The following GMDS variants were observed in gnomAD, a reference collection of about 807,000 sequenced individuals.
GMDS encodes the protein GDP-mannose 4,6-dehydratase, also known as GDP-mannose 4,6 dehydratase.
A neutral mutation model predicts 49.9 loss-of-function variants in GMDS; 20 were observed. The ratio of observed to expected loss-of-function variants is 0.40; its 90% CI spans 0.28 to 0.58. The LOEUF (loss-of-function observed/expected upper bound fraction) is 0.58. Among genes scored for constraint, GMDS ranks in the 20% least tolerant of loss-of-function variants. GMDS has a pLI of 0.42. For missense variants in GMDS, 362 were observed against 481.4 expected (o/e 0.75, Z 2.32); for synonymous variants, 177 against 178.6 (o/e 0.99, Z 0.07).
intron 1 of GMDS, among the ~76,000 whole-genome samples, chr6:2,161,713 G>A (rs555112060): frequency 7.2e-5 from 11 of 152,282 alleles, no homozygotes; most frequent in Admixed American, 5.2e-4. Flanking sequence ...TGGGGCTGGT[G>A]AAAAAGATAA....
At chr6:1,741,453 C>T (rs903093355) in intron 8 of GMDS, among the ~76,000 whole-genome samples, 1 of 152,072 alleles carries the variant, frequency 6.6e-6, no homozygotes, top group African/African-American at 2.4e-5. Context: ...CTGTGTCTGG[C>T]TTCTTTCACA....
intron 1 of GMDS, among the ~76,000 whole-genome samples, chr6:2,200,593 T>A (rs1779472909): frequency 7.8e-6 from 1 of 128,610 alleles, no homozygotes; most frequent in Admixed American, 8.2e-5. Context: ...GATGTAACCA[T>A]CTAGGCAGTG....
rs561479957 is a variant in GMDS at position 1,743,116 on chromosome 6, C to T, written c.772-530G>A. 4.6e-5 allele frequency among the ~76,000 whole-genome samples: 7 copies of T among 152,112 alleles called. No individual in the cohort carries two copies. The South Asian group carries it at 6.2e-4, about 14-fold the overall frequency. ...TACTAGTCAAAAAACAAAGTAAGTG[C>T]GAATCATTAATGGAAAAACAACCAC... On this transcript the variant is annotated intron_variant, in intron 7 of 10. Transcript: ENST00000380815.
intron 7 of GMDS, among the ~76,000 whole-genome samples, chr6:1,749,530 T>A (rs927248137): frequency 6.6e-6 from 1 of 151,232 alleles, no homozygotes; most frequent in East Asian, 1.9e-4. Context: ...GAGGCGGAGG[T>A]GGCAGTGAGC....
intron 1 of GMDS, among the ~76,000 whole-genome samples, chr6:2,185,353 T>C (rs941953316): frequency 1.3e-5 from 2 of 152,230 alleles, no homozygotes; most frequent in Non-Finnish European, 2.9e-5. Flanking sequence ...CTGACTCTCA[T>C]GTACACCACC....
intron 6 of GMDS, among the ~76,000 whole-genome samples, chr6:1,940,189 GCATACATA>G (rs936836201): frequency 2.0e-5 from 3 of 152,164 alleles, no homozygotes; most frequent in Admixed American, 2.0e-4. Flanking sequence ...ATGCATGCAT[GCATACATA>G]CATATCTAAA....
chr6:2,221,587 A>G (rs1293352120), intron 1 of GMDS, among the ~76,000 whole-genome samples: 2 of 152,130 alleles, frequency 1.3e-5, no homozygotes, highest in East Asian at 3.9e-4. Flanking sequence ...ACGGGGTTTC[A>G]CCGTGTTAGC....
At chr6:1,867,632 GAT>G (rs1249293220) in intron 7 of GMDS, among the ~76,000 whole-genome samples, 1 of 152,196 alleles carries the variant, frequency 6.6e-6, no homozygotes, top group African/African-American at 2.4e-5. Context: ...CTGTCACAGG[GAT>G]CTCTAGAAAC....
chr6:1,853,847 G>A (rs189385611), intron 7 of GMDS, among the ~76,000 whole-genome samples: 5 of 152,250 alleles, frequency 3.3e-5, no homozygotes, highest in South Asian at 2.1e-4. Flanking sequence ...AAAATCCCCC[G>A]AGTTGAATGA....
At chr6:2,084,103 T>C (rs1028452781) in intron 4 of GMDS, among the ~76,000 whole-genome samples, 5 of 152,204 alleles carry the variant, frequency 3.3e-5, no homozygotes, top group Non-Finnish European at 7.3e-5. Flanking sequence ...GCAAGTAACT[T>C]ACTTTCCTGG....
chr6:2,122,679 G>A (rs772779434), intron 2 of GMDS, among the ~76,000 whole-genome samples: 2 of 152,132 alleles, frequency 1.3e-5, no homozygotes, highest in Non-Finnish European at 2.9e-5. Flanking sequence ...TAAAATTGAG[G>A]ACAGCAGCCT....
intron 8 of GMDS, among the ~76,000 whole-genome samples, chr6:1,739,672 G>A (rs1385235680): frequency 6.6e-6 from 1 of 152,240 alleles, no homozygotes; most frequent in African/African-American, 2.4e-5. Flanking sequence ...TGTTCTTAAA[G>A]GTTCTATTCC....
At chr6:2,000,194 C>A (rs541178375) in intron 4 of GMDS, among the ~76,000 whole-genome samples, 1 of 147,132 alleles carries the variant, frequency 6.8e-6, no homozygotes, top group South Asian at 2.2e-4. Flanking sequence ...CGCCACCATG[C>A]CCGGCTAATT....
chr6:2,238,795 CA>C lies in GMDS; in HGVS notation c.102+6525del, dbSNP rs1781485318. On this transcript the variant is annotated intron_variant, in intron 1 of 10. Coordinates refer to ENST00000380815, the MANE Select transcript of GMDS (RefSeq NM_001500.4). ...TGATTTGAACTTTACAAACATGTACCAAAATATCACACATACCCCATAAATA... is the reference window on the plus strand; with the variant it reads ...TGATTTGAACTTTACAAACATGTACCAAATATCACACATACCCCATAAATA... Among the ~76,000 whole-genome samples, 8 of 152,060 alleles carry C rather than the reference CA, an allele frequency of 5.3e-5. No individual in the cohort carries two copies. The South Asian group carries it at 1.7e-3, about 32-fold the overall frequency.
intron 7 of GMDS, among the ~76,000 whole-genome samples, chr6:1,884,481 G>A (rs1011671802): frequency 7.2e-5 from 11 of 152,220 alleles, no homozygotes; most frequent in Admixed American, 6.5e-4. Flanking sequence ...AAGGGGCTAA[G>A]CTAGCACAAT....
rs1488253960 is a variant in GMDS at position 1,669,665 on chromosome 6, C to A, written c.988-45125G>T. 2.0e-5 allele frequency among the ~76,000 whole-genome samples: 3 copies of A among 152,076 alleles called. No individual in the cohort carries two copies. The South Asian group carries it at 6.2e-4, about 31-fold the overall frequency. On this transcript the variant is annotated intron_variant, in intron 9 of 10. Transcript: ENST00000380815. ...CAGTGGCTCATGCCTGTAATCCCAG[C>A]ACTTTGGGAGGCTGAGGCAGGCGGA...
intron 7 of GMDS, among the ~76,000 whole-genome samples, chr6:1,877,752 C>T (rs1006787766): frequency 1.3e-5 from 2 of 151,782 alleles, no homozygotes; most frequent in Non-Finnish European, 1.5e-5. Flanking sequence ...TTTCTCTGGC[C>T]ACCTGGCACA....
At chr6:1,700,651 A>G (rs964772017) in intron 9 of GMDS, among the ~76,000 whole-genome samples, 26 of 152,178 alleles carry the variant, frequency 1.7e-4, no homozygotes, top group African/African-American at 6.0e-4. Context: ...TTGAGGAGAG[A>G]GATGGCAACG....
At chr6:2,112,058 C>G (rs538679868) in intron 4 of GMDS, among the ~76,000 whole-genome samples, 1 of 152,156 alleles carries the variant, frequency 6.6e-6, no homozygotes, top group Admixed American at 6.5e-5. Context: ...CTGGCCATGA[C>G]GAAGCCTGTC....
Sources: allele counts gnomAD v4.1 joint callset (sites outside exome capture counted in the v4.1 genomes callset), GRCh38; gene constraint gnomAD v4.1.1; transcripts MANE v1.5; gene names NCBI Gene and HGNC (gene_info 2026-07-23, HGNC 2026-07-21).